The following PDC variants were observed in gnomAD, a reference collection of about 807,000 sequenced individuals.
The protein encoded by PDC is phosducin, also known as 33 kDa phototransducing protein.
In PDC, 19 loss-of-function variants were observed where a neutral mutation model predicts 22.2. The ratio of observed to expected loss-of-function variants is 0.86; its 90% CI spans 0.60 to 1.26. PDC has a LOEUF of 1.26. Among genes scored for constraint, PDC ranks in the 50% most tolerant of loss-of-function variants. The pLI is 0.00. For missense variants in PDC, 274 were observed against 286.8 expected (o/e 0.96, Z 0.32); for synonymous variants, 97 against 96.2 (o/e 1.01, Z -0.05).
At chr1:186,459,954 C>T (rs1662548436) in intron 1 of PDC, among the ~76,000 whole-genome samples, 1 of 150,104 alleles carries the variant, frequency 6.7e-6, no homozygotes, top group Admixed American at 6.6e-5. Context: ...AAAATTTTCA[C>T]TGAATTTAAG....
chr1:186,444,586 G>A (rs540013359), intron 3 of PDC, 80 bp from the exon 4 acceptor site: 77 of 918,520 alleles, frequency 8.4e-5, no homozygotes, highest in Middle Eastern at 7.0e-4. Context: ...TCAACCGAAG[G>A]AGTGTACTTT....
chr1:186,456,314 T>A (rs1571726845), intron 1 of PDC, among the ~76,000 whole-genome samples: 1 of 152,206 alleles, frequency 6.6e-6, no homozygotes. Context: ...AGCATTTCAA[T>A]AACTGTTACT....
rs548949429 is a variant in PDC, at chr1:186,448,409, T to C, written c.61+990A>G. 4.8e-4 allele frequency among the ~76,000 whole-genome samples: 73 copies of C among 152,298 alleles called. No homozygotes were observed. The South Asian group carries it at 9.5e-3, about 20-fold the overall frequency. On this transcript the variant is annotated intron_variant, in intron 2 of 3. Transcript: ENST00000391997. ...CTATTTGGTAATTAGTTTCTTTTCT[T>C]ATCGATTTGTAGAAGCTCTTAATAT... is the stretch of plus-strand genomic sequence containing the variant.
At chr1:186,451,911 C>T (rs1268938325) in intron 1 of PDC, among the ~76,000 whole-genome samples, 1 of 152,156 alleles carries the variant, frequency 6.6e-6, no homozygotes, top group African/African-American at 2.4e-5. Flanking sequence ...AGACTTAAAT[C>T]AACTGGGTTG....
chr1:186,449,254 C>G (rs1313368193), intron 2 of PDC, 145 bp downstream of exon 2: 3 of 423,164 alleles, frequency 7.1e-6, no homozygotes, highest in African/African-American at 6.2e-5. Context: ...AATTAATTTG[C>G]CCGCTCAAAT....
At chr1:186,455,841 G>C (rs1470371337) in intron 1 of PDC, among the ~76,000 whole-genome samples, 1 of 139,592 alleles carries the variant, frequency 7.2e-6, no homozygotes, top group South Asian at 2.3e-4. Context: ...GCGTGGTGGC[G>C]GGTGCCTGTA....
rs769825718 is a variant in PDC at position 186,443,929 on chromosome 1, CATCATCCAATACCTA to C, written c.*35_*49del. On this transcript the variant is annotated 3_prime_UTR_variant, in exon 4 of 4. Transcript: ENST00000391997. The stretch of plus-strand genomic sequence containing the variant: ...AAAGCAATATAGATACTACCAAAAC[CATCATCCAATACCTA>C]AAGGATAAACATGAGATATTGACAT... 2.2e-6 allele frequency: 3 copies of C among 1,387,008 alleles called. No homozygotes were observed. The South Asian group carries it at 3.9e-5, about 18-fold the overall frequency. 85.9% of individuals were successfully genotyped at this position (1,387,008 alleles called of 1,614,324 possible).
chr1:186,451,615 AT>A (rs1571723774), intron 1 of PDC: 1 of 152,178 alleles, frequency 6.6e-6, no homozygotes, highest in African/African-American at 2.4e-5. Context: ...AAATCTAAAA[AT>A]AATTTTATTT....
At chr1:186,458,364 CT>C (rs1437140320) in intron 1 of PDC, among the ~76,000 whole-genome samples, 1 of 147,982 alleles carries the variant, frequency 6.8e-6, no homozygotes, top group African/African-American at 2.6e-5. Context: ...GAGAAAAAGT[CT>C]TGGTCATGTT....
chr1:186,459,527 G>GTAAA (rs1662537195), intron 1 of PDC, among the ~76,000 whole-genome samples: 1 of 151,958 alleles, frequency 6.6e-6, no homozygotes, highest in African/African-American at 2.4e-5. Context: ...TGTTTATCTT[G>GTAAA]TAAATATACA....
At chr1:186,455,971 CAA>C (rs1213649798) in intron 1 of PDC, among the ~76,000 whole-genome samples, 2 of 8,654 alleles carry the variant, frequency 2.3e-4, no homozygotes, top group African/African-American at 3.5e-4. Context: ...GACTCCGTCT[CAA>C]AAAAAAAAAA....
intron 3 of PDC, among the ~76,000 whole-genome samples, chr1:186,446,012 T>C (rs1662220002): frequency 6.6e-6 from 1 of 152,234 alleles, no homozygotes; most frequent in Non-Finnish European, 1.5e-5. Flanking sequence ...TTCAGATACA[T>C]TTCCAAAGTT....
chr1:186,461,076 C>G lies in PDC; in HGVS notation c.-42G>C, dbSNP rs1488100939. 6.5e-6 allele frequency: 1 copy of G among 154,728 alleles called. No individual in the cohort carries two copies. Among genetic ancestry groups the G allele is most frequent in the South Asian group, 2.0e-4 (1 of 4,922 alleles). 9.6% of individuals were successfully genotyped at this position (154,728 alleles called of 1,614,324 possible). ...GGACTCACAGTTTGGATCTCTGTGCCTGGTGTCCTTGTTGAGTGGGTGAGA... is the reference window on the plus strand; with the variant it reads ...GGACTCACAGTTTGGATCTCTGTGCGTGGTGTCCTTGTTGAGTGGGTGAGA... On this transcript the variant is annotated 5_prime_UTR_variant, in exon 1 of 4. Coordinates refer to ENST00000391997, the MANE Select transcript of PDC (RefSeq NM_002597.5).
chr1:186,458,106 TATC>T (rs1662504524), intron 1 of PDC, among the ~76,000 whole-genome samples: 1 of 144,344 alleles, frequency 6.9e-6, no homozygotes, highest in Admixed American at 6.7e-5. Context: ...TGTTATCCTG[TATC>T]ATCAGTAAAA....
At chr1:186,456,159 C>T (rs964493206) in intron 1 of PDC, among the ~76,000 whole-genome samples, 18 of 150,910 alleles carry the variant, frequency 1.2e-4, no homozygotes, top group Admixed American at 9.2e-4. Context: ...GGGTATTGCT[C>T]TAAAAAAGTA....
At chr1:186,459,602 G>T (rs1662538309) in intron 1 of PDC, among the ~76,000 whole-genome samples, 1 of 151,400 alleles carries the variant, frequency 6.6e-6, no homozygotes, top group South Asian at 2.1e-4. Flanking sequence ...TATATATTTT[G>T]ATAATGACTT....
intron 2 of PDC, among the ~76,000 whole-genome samples, chr1:186,447,212 G>A (rs956492433): frequency 5.9e-5 from 9 of 151,898 alleles, no homozygotes; most frequent in African/African-American, 2.2e-4. Flanking sequence ...GTAGGGGCGT[G>A]ATTTTGGCTC....
At chr1:186,454,168 C>CTTTTTTTTTTTTTTTTTTTTTT (rs397860509) in intron 1 of PDC, among the ~76,000 whole-genome samples, 2 of 94,228 alleles carry the variant, frequency 2.1e-5, no homozygotes, top group African/African-American at 4.4e-5. Context: ...TCTTTTCTTT[C>CTTTTTTTTTTTTTTTTTTTTTT]TTTTTTTTTT....
Position 186,444,189 on chromosome 1 carries a change from A to C in PDC, c.531T>G (p.Ala177=). Residue 177 remains alanine (A), a synonymous_variant, in exon 4 of 4, where the codon GCT becomes GCG. Transcript: ENST00000391997. ...GTACATCTAAGGAAAAGCGGTCCCC[A>C]GCACCTGTATTCGAAGCTTTTATTT... ...FCKIKASNTG[A]GDRFSLDVLP... 1 of 1,613,946 alleles carries C rather than the reference A, an allele frequency of 6.2e-7. No individual in the cohort carries two copies. Among genetic ancestry groups the C allele is most frequent in the Non-Finnish European group, 8.5e-7 (1 of 1,179,820 alleles).
Sources: gnomAD v4.1 joint callset for allele counts (sites outside exome capture counted in the v4.1 genomes callset) on GRCh38, gnomAD v4.1.1 for gene constraint, MANE v1.5 for transcripts, NCBI Gene and HGNC (gene_info 2026-07-23, HGNC 2026-07-21) for gene names.